CNTNAP5: variants seen among roughly 807,000 people sequenced by gnomAD.
CNTNAP5 encodes the protein contactin associated protein family member 5.
A neutral mutation model predicts 150.2 loss-of-function variants in CNTNAP5; 72 were observed. That is an observed-to-expected ratio of 0.48 (90% CI 0.40 to 0.58). The LOEUF is 0.58. Among genes scored for constraint, CNTNAP5 ranks in the 20% least tolerant of loss-of-function variants. The pLI is 0.00. For missense variants in CNTNAP5, 1,636 were observed against 1,626.2 expected (o/e 1.01, Z -0.10); for synonymous variants, 672 against 619.8 (o/e 1.08, Z -1.25).
chr2:124,186,523 G>C (rs1391872408), intron 1 of CNTNAP5, among the ~76,000 whole-genome samples: 1 of 152,116 alleles, frequency 6.6e-6, no homozygotes, highest in Non-Finnish European at 1.5e-5. Context: ...CATGTGTATA[G>C]TATCAACGTA....
intron 3 of CNTNAP5, among the ~76,000 whole-genome samples, chr2:124,379,668 C>T (rs900903003): frequency 6.6e-6 from 1 of 152,118 alleles, no homozygotes; most frequent in African/African-American, 2.4e-5. Context: ...TGGGTTGCTG[C>T]TAACATTTTA....
At chr2:124,417,625 G>T (rs1364002331) in intron 4 of CNTNAP5, 35 bp downstream of exon 4, 1 of 1,591,562 alleles carries the variant, frequency 6.3e-7, no homozygotes, top group Middle Eastern at 1.7e-4. Flanking sequence ...CCATTGCTGA[G>T]TGTGAGTGGC....
intron 1 of CNTNAP5, among the ~76,000 whole-genome samples, chr2:124,051,147 T>A (rs1681683963): frequency 6.6e-6 from 1 of 152,100 alleles, no homozygotes; most frequent in Admixed American, 6.5e-5. Context: ...ACATCTGCAA[T>A]AGTTTGAGGC....
chr2:124,220,454 G>C (rs1265906814), intron 1 of CNTNAP5, among the ~76,000 whole-genome samples: 2 of 152,064 alleles, frequency 1.3e-5, no homozygotes, highest in African/African-American at 4.8e-5. Flanking sequence ...GGCTTGTTAT[G>C]TACCAGATTC....
chr2:124,400,588 C>G (rs1309015289), intron 3 of CNTNAP5, among the ~76,000 whole-genome samples: 1 of 151,846 alleles, frequency 6.6e-6, no homozygotes, highest in Non-Finnish European at 1.5e-5. Flanking sequence ...GCCCTGCCTA[C>G]TCCCATGCTC....
chr2:124,737,761 A>T (rs1369592498), intron 13 of CNTNAP5, among the ~76,000 whole-genome samples: 1 of 152,148 alleles, frequency 6.6e-6, no homozygotes, highest in Non-Finnish European at 1.5e-5. Context: ...TACCCACGGA[A>T]GAGATCGTTA....
intron 8 of CNTNAP5, among the ~76,000 whole-genome samples, chr2:124,511,796 A>G (rs1317226027): frequency 6.6e-6 from 1 of 152,218 alleles, no homozygotes; most frequent in Non-Finnish European, 1.5e-5. Context: ...TTGTGGAGTC[A>G]GAAAAGTAAA....
intron 14 of CNTNAP5, among the ~76,000 whole-genome samples, chr2:124,761,777 A>C (rs1573599992): frequency 6.6e-6 from 1 of 152,236 alleles, no homozygotes; most frequent in East Asian, 1.9e-4. Flanking sequence ...ATTCTTAGTA[A>C]TGTGCTTTGC....
At chr2:124,749,635 C>T (rs1473341929) in intron 14 of CNTNAP5, among the ~76,000 whole-genome samples, 2 of 152,066 alleles carry the variant, frequency 1.3e-5, no homozygotes, top group African/African-American at 2.4e-5. Context: ...AGGCTGGTCT[C>T]GAGCTCCTGA....
At chr2:124,490,568 CT>C (rs1309097791) in intron 7 of CNTNAP5, among the ~76,000 whole-genome samples, 3 of 151,846 alleles carry the variant, frequency 2.0e-5, no homozygotes, top group Non-Finnish European at 4.4e-5. Context: ...CAATTTCTAC[CT>C]TAGTGTCAAA....
At chr2:124,849,479 C>T (rs1015695356) in intron 19 of CNTNAP5, among the ~76,000 whole-genome samples, 3 of 152,078 alleles carry the variant, frequency 2.0e-5, no homozygotes, top group African/African-American at 2.4e-5. Flanking sequence ...ATGCCTCCAG[C>T]CTTGTTCTTC....
chr2:124,807,005 T>G (rs1682095863), intron 19 of CNTNAP5, among the ~76,000 whole-genome samples: 1 of 151,904 alleles, frequency 6.6e-6, no homozygotes, highest in Non-Finnish European at 1.5e-5. Flanking sequence ...GTTTAAGGAT[T>G]AAGAAAATAG....
At chr2:124,203,995 C>G (rs575307049) in intron 1 of CNTNAP5, among the ~76,000 whole-genome samples, 1 of 152,176 alleles carries the variant, frequency 6.6e-6, no homozygotes, top group African/African-American at 2.4e-5. Context: ...TGTTTTCTAT[C>G]GCATTGTCAG....
At chr2:124,735,959 G>A (rs750009560) in intron 13 of CNTNAP5, among the ~76,000 whole-genome samples, 10 of 152,108 alleles carry the variant, frequency 6.6e-5, no homozygotes, top group Admixed American at 4.6e-4. Flanking sequence ...TGCTGGGCAC[G>A]GTGGCTCACG....
chr2:124,804,862 A>G (rs1682048414), intron 19 of CNTNAP5, among the ~76,000 whole-genome samples: 1 of 152,368 alleles, frequency 6.6e-6, no homozygotes, highest in South Asian at 2.1e-4. Context: ...TATGCTGTGT[A>G]GATTGTAAAC....
chr2:124,116,017 T>G (rs566811691), intron 1 of CNTNAP5, among the ~76,000 whole-genome samples: 24 of 152,304 alleles, frequency 1.6e-4, no homozygotes, highest in Middle Eastern at 6.8e-3. Flanking sequence ...CAGTCAATGT[T>G]AATTTCTTTC....
chr2:124,053,020 C>T (rs1681750562), intron 1 of CNTNAP5, among the ~76,000 whole-genome samples: 1 of 148,508 alleles, frequency 6.7e-6, no homozygotes, highest in Non-Finnish European at 1.5e-5. Context: ...CGTCCCTGCT[C>T]TGTGGGCCCA....
rs1447050996 is a variant in CNTNAP5 at position 124,402,068 on chromosome 2, T to C, written c.382-15375T>C. On this transcript the variant is annotated intron_variant, in intron 3 of 23. Transcript: ENST00000682447. ...TCCAGGAGTGTATTAGGAGACTCTA[T>C]ATTGATAAGATTTGCATCAGAAATA... is the stretch of plus-strand genomic sequence containing the variant. Among the ~76,000 whole-genome samples the C allele has an allele frequency of 2.6e-5, 4 of 152,306 alleles. No individual in the cohort carries two copies. The East Asian group carries it at 5.8e-4, about 22-fold the overall frequency.
chr2:124,329,535 C>T (rs1689297776), intron 3 of CNTNAP5, among the ~76,000 whole-genome samples: 4 of 152,220 alleles, frequency 2.6e-5, no homozygotes, highest in Admixed American at 6.5e-5. Context: ...TGCCAAAGCT[C>T]CATACCTTGG....
Sources: allele counts gnomAD v4.1 joint callset (sites outside exome capture counted in the v4.1 genomes callset), GRCh38; gene constraint gnomAD v4.1.1; transcripts MANE v1.5; gene names NCBI Gene and HGNC (gene_info 2026-07-23, HGNC 2026-07-21).